CNTN3: variants seen among roughly 807,000 people sequenced by gnomAD.
CNTN3 encodes contactin-3.
CNTN3 carries 60 observed loss-of-function variants against 119.1 expected under a neutral mutation model. That is an observed-to-expected ratio of 0.50 (90% confidence interval 0.41 to 0.62). The LOEUF (loss-of-function observed/expected upper bound fraction) is 0.62, where lower values mean the gene tolerates loss of function less well. CNTN3 is among the 20% of genes least tolerant of loss of function. The pLI is 0.00. For missense variants in CNTN3, 1,101 were observed against 1,242.4 expected, an observed-to-expected ratio of 0.89 and a Z score of 1.71; for synonymous variants, 450 against 438.7, an observed-to-expected ratio of 1.03 and a Z score of -0.32.
At chr3:74,608,862 C>A (rs1230602187) in intron 1 of CNTN3, among the ~76,000 whole-genome samples, 1 of 152,184 alleles carries the variant, frequency 6.6e-6, no homozygotes, top group African/African-American at 2.4e-5. Flanking sequence ...AATACATTTA[C>A]CCCCTAAAGG....
At chr3:74,327,286 G>T (rs1335834360) in intron 13 of CNTN3, among the ~76,000 whole-genome samples, 2 of 151,610 alleles carry the variant, frequency 1.3e-5, no homozygotes, top group African/African-American at 4.8e-5. Context: ...GTGCCACCAC[G>T]CCTGGCTAAT....
intron 15 of CNTN3, 35 bp downstream of exon 15, chr3:74,301,612 A>T: frequency 6.2e-7 from 1 of 1,612,956 alleles, no homozygotes; most frequent in Non-Finnish European, 8.5e-7. Context: ...ATCCATTTAT[A>T]TGTGTGCAGA....
At chr3:74,595,900 G>T (rs1484884253) in intron 1 of CNTN3, among the ~76,000 whole-genome samples, 2 of 152,124 alleles carry the variant, frequency 1.3e-5, no homozygotes, top group African/African-American at 4.8e-5. Context: ...AAGTCAAATT[G>T]TCCCTGTTTG....
At chr3:74,585,683 A>T (rs1447208013) in intron 1 of CNTN3, among the ~76,000 whole-genome samples, 1 of 152,160 alleles carries the variant, frequency 6.6e-6, no homozygotes, top group Non-Finnish European at 1.5e-5. Flanking sequence ...CACACTGTAA[A>T]ATTAAATTCA....
At chr3:74,539,317 C>T (rs1703808477) in intron 1 of CNTN3, among the ~76,000 whole-genome samples, 1 of 152,070 alleles carries the variant, frequency 6.6e-6, no homozygotes, top group Non-Finnish European at 1.5e-5. Context: ...AAGTCAAATG[C>T]TGATGGTAAT....
intron 5 of CNTN3, among the ~76,000 whole-genome samples, chr3:74,372,517 G>A (rs72894359): frequency 0.047 from 7,108 of 151,598 alleles, 574 homozygotes; most frequent in African/African-American, 0.16. Flanking sequence ...CTGCTTTCCT[G>A]AGCCCTATTT....
chr3:74,420,293 C>T (rs1180897333), intron 5 of CNTN3, among the ~76,000 whole-genome samples: 1 of 152,182 alleles, frequency 6.6e-6, no homozygotes, highest in Non-Finnish European at 1.5e-5. Flanking sequence ...TTATGCAGAG[C>T]TGCCCCAAGT....
chr3:74,526,912 T>C (rs949124215), intron 1 of CNTN3, among the ~76,000 whole-genome samples: 2 of 151,834 alleles, frequency 1.3e-5, no homozygotes, highest in East Asian at 3.9e-4. Flanking sequence ...TTTGTAACCT[T>C]TCATAGGTTA....
intron 5 of CNTN3, among the ~76,000 whole-genome samples, chr3:74,372,265 G>A (rs1043848577): frequency 1.3e-5 from 2 of 152,050 alleles, no homozygotes; most frequent in Non-Finnish European, 2.9e-5. Context: ...CCTCAATAAA[G>A]ATTCATGGAG....
At chr3:74,335,143 T>C (rs756295649) in intron 12 of CNTN3, among the ~76,000 whole-genome samples, 3 of 152,208 alleles carry the variant, frequency 2.0e-5, no homozygotes, top group Non-Finnish European at 4.4e-5. Flanking sequence ...TTTGAACTTG[T>C]AGGACATGTA....
intron 4 of CNTN3, among the ~76,000 whole-genome samples, chr3:74,441,961 C>A (rs1181334420): frequency 6.6e-6 from 1 of 151,822 alleles, no homozygotes; most frequent in Non-Finnish European, 1.5e-5. Flanking sequence ...GTTCCTATTC[C>A]ATTCAATTTC....
rs1376691351 is a variant in CNTN3 at position 74,451,990 on chromosome 3, C to T, written c.359-27050G>A. Reference sequence around the variant, plus strand: ...TTCTTTTGGCTTAGGATTGACTTGGCGATGCAGGCTCTTTTTTGGTTCCAT... The same window carrying T: ...TTCTTTTGGCTTAGGATTGACTTGGTGATGCAGGCTCTTTTTTGGTTCCAT... On this transcript the variant is annotated intron_variant, in intron 4 of 22. Coordinates refer to ENST00000263665, the MANE Select transcript of CNTN3 (RefSeq NM_020872.3). 3.3e-3 allele frequency among the ~76,000 whole-genome samples: 441 copies of T among 135,592 alleles called. 3 individuals carry two copies. The highest frequency in any genetic ancestry group is 0.013 in the East Asian group (55 of 4,346). 89.0% of individuals were successfully genotyped at this position (135,592 alleles called of 152,430 possible).
intron 4 of CNTN3, among the ~76,000 whole-genome samples, chr3:74,428,116 CCTA>C (rs1470313990): frequency 1.3e-5 from 2 of 152,034 alleles, no homozygotes; most frequent in Non-Finnish European, 2.9e-5. Context: ...GTGTAAAAAA[CCTA>C]CTATGCTGCC....
intron 2 of CNTN3, among the ~76,000 whole-genome samples, chr3:74,506,485 A>G (rs1197212514): frequency 6.6e-6 from 1 of 152,146 alleles, no homozygotes; most frequent in East Asian, 1.9e-4. Context: ...GGGAGATTAA[A>G]ATGTTTTCAA....
At chr3:74,548,309 T>A (rs573818790) in intron 1 of CNTN3, among the ~76,000 whole-genome samples, 1 of 152,210 alleles carries the variant, frequency 6.6e-6, no homozygotes, top group East Asian at 1.9e-4. Context: ...GCCATTTAGA[T>A]GAATATATAT....
intron 13 of CNTN3, among the ~76,000 whole-genome samples, chr3:74,321,127 T>C (rs961834586): frequency 3.3e-5 from 5 of 151,864 alleles, no homozygotes; most frequent in Non-Finnish European, 5.9e-5. Context: ...CACTGGAGAA[T>C]ACAAGAGGGA....
intron 4 of CNTN3, among the ~76,000 whole-genome samples, chr3:74,428,331 G>A (rs1220637136): frequency 1.3e-5 from 2 of 151,592 alleles, no homozygotes; most frequent in Non-Finnish European, 2.9e-5. Context: ...TTCAGAAGGA[G>A]GCATTGTCAT....
intron 20 of CNTN3, among the ~76,000 whole-genome samples, chr3:74,279,858 G>C (rs1423869676): frequency 6.6e-6 from 1 of 152,052 alleles, no homozygotes; most frequent in Non-Finnish European, 1.5e-5. Context: ...TGATTACTAG[G>C]GGCTGGGAAG....
chr3:74,473,149 T>C (rs1702595560), intron 4 of CNTN3, among the ~76,000 whole-genome samples: 1 of 151,100 alleles, frequency 6.6e-6, no homozygotes, highest in Non-Finnish European at 1.5e-5. Context: ...ATTTCTGCTT[T>C]CTATAAAAAG....
Sources: gnomAD v4.1 joint callset for allele counts (sites outside exome capture counted in the v4.1 genomes callset) on GRCh38, gnomAD v4.1.1 for gene constraint, MANE v1.5 for transcripts, NCBI Gene and HGNC (gene_info 2026-07-23, HGNC 2026-07-21) for gene names.